ZNF362: variants seen among roughly 807,000 people sequenced by gnomAD.
ZNF362 encodes zinc finger protein 362.
Under a neutral mutation model 42.9 loss-of-function variants are expected in ZNF362, and 11 were observed. The observed-to-expected ratio is 0.26, with a 90% CI of 0.16 to 0.42. ZNF362 has a LOEUF of 0.42. ZNF362 is among the 20% of genes least tolerant of loss of function. The pLI, the probability that ZNF362 is intolerant of heterozygous loss-of-function variation, is 1.00. For missense variants in ZNF362, 362 were observed against 576.2 expected (o/e 0.63, Z 3.81); for synonymous variants, 255 against 257.3 (o/e 0.99, Z 0.09).
intron 1 of ZNF362, among the ~76,000 whole-genome samples, chr1:33,259,362 G>T (rs1439523617): frequency 6.6e-6 from 1 of 152,184 alleles, no homozygotes; most frequent in South Asian, 2.1e-4. Flanking sequence ...CAGTCTTGGG[G>T]GGTGGAGGCA....
chr1:33,276,178 G>GC lies in ZNF362; in HGVS notation c.102+19dup. The GC allele has an allele frequency of 6.2e-7, 1 of 1,612,604 alleles. No homozygotes were observed. Among genetic ancestry groups the GC allele is most frequent in the South Asian group, 1.1e-5 (1 of 91,054 alleles). On this transcript the variant is annotated intron_variant, in intron 3 of 8. Transcript: ENST00000539719. ...TGCCCAGCCAGGTAAGACTGACGTC[G>GC]CCCCTCCGGCTGCCCTACCCTCCTT...
chr1:33,281,491 C>G lies in ZNF362; in HGVS notation c.684-96C>G. ...TTCTTGGGCTCATCACAGGAAAGAC[C>G]TGTCCCAGGTGCAAGGTCTCTCTGA... On this transcript the variant is annotated intron_variant, in intron 5 of 8. Transcript: ENST00000539719. The surrounding 1 kb of genome is among the most constrained non-coding windows in gnomAD (Gnocchi z 4.8). 7 of 1,214,350 alleles carry G rather than the reference C, an allele frequency of 5.8e-6. No homozygotes were observed. The highest frequency in any genetic ancestry group is 8.3e-6 in the Non-Finnish European group (7 of 840,948). The allele number at this position is 1,214,350 out of a possible 1,614,324, so 75.2% of individuals were successfully genotyped here.
At chr1:33,205,868 G>T in the ZNF362 span, among the ~76,000 whole-genome samples, 1 of 151,932 alleles carries the variant, frequency 6.6e-6, no homozygotes, top group Non-Finnish European at 1.5e-5. Flanking sequence ...GTGAGCCAAG[G>T]TCGCACCACT....
the ZNF362 span, among the ~76,000 whole-genome samples, chr1:33,172,333 G>A: frequency 3.2e-3 from 483 of 152,280 alleles, 19 homozygotes; most frequent in East Asian, 0.083. Flanking sequence ...GATGGGCCAG[G>A]GCATTGCAGG....
At chr1:33,217,697 G>A in the ZNF362 span, among the ~76,000 whole-genome samples, 5 of 152,180 alleles carry the variant, frequency 3.3e-5, no homozygotes, top group Non-Finnish European at 7.4e-5. Flanking sequence ...ACAGGAGAAA[G>A]TAAAATTTAA....
chr1:33,288,378 G>A (rs372917016), intron 6 of ZNF362, among the ~76,000 whole-genome samples: 20 of 152,270 alleles, frequency 1.3e-4, no homozygotes, highest in African/African-American at 4.8e-4. Flanking sequence ...TGGGACAGTG[G>A]GGGGTGAAGT....
At chr1:33,288,518 T>G (rs1646048053) in intron 6 of ZNF362, among the ~76,000 whole-genome samples, 1 of 151,832 alleles carries the variant, frequency 6.6e-6, no homozygotes, top group Admixed American at 6.6e-5. Flanking sequence ...GTGAGTGGAT[T>G]ACTTGAGGTC....
At chr1:33,258,859 C>G (rs1448493763) in intron 1 of ZNF362, among the ~76,000 whole-genome samples, 1 of 152,142 alleles carries the variant, frequency 6.6e-6, no homozygotes, top group African/African-American at 2.4e-5. Context: ...GATTATGAAC[C>G]TCATTATAAG....
At chr1:33,137,703 G>T in the ZNF362 span, among the ~76,000 whole-genome samples, 3 of 152,238 alleles carry the variant, frequency 2.0e-5, no homozygotes, top group East Asian at 5.8e-4. Context: ...TATTTGCTTT[G>T]GGAACCAGAA....
the ZNF362 span, among the ~76,000 whole-genome samples, chr1:33,250,009 A>G: frequency 6.6e-6 from 1 of 152,222 alleles, no homozygotes; most frequent in Non-Finnish European, 1.5e-5. Context: ...AGCCTCTTTG[A>G]GGGAAACAAA....
At chr1:33,233,864 C>T in the ZNF362 span, among the ~76,000 whole-genome samples, 2 of 152,152 alleles carry the variant, frequency 1.3e-5, no homozygotes, top group Admixed American at 6.6e-5. Flanking sequence ...AAATATGGAA[C>T]TGGGATGCCT....
upstream of ZNF362, among the ~76,000 whole-genome samples, chr1:33,253,659 C>T (rs375528782): frequency 1.4e-4 from 22 of 152,070 alleles, no homozygotes; most frequent in African/African-American, 4.6e-4. Context: ...GATCCTGTCT[C>T]CCATCTGCCT....
At chr1:33,272,782 G>A (rs146225005) in intron 2 of ZNF362, among the ~76,000 whole-genome samples, 34 of 152,254 alleles carry the variant, frequency 2.2e-4, no homozygotes, top group African/African-American at 8.2e-4. Context: ...CAACATCTTA[G>A]CATGGCATTC....
At chr1:33,242,311 A>T in the ZNF362 span, among the ~76,000 whole-genome samples, 6 of 152,264 alleles carry the variant, frequency 3.9e-5, no homozygotes, top group South Asian at 1.2e-3. Flanking sequence ...AGGTAAAGGG[A>T]CAGTACAGTG....
chr1:33,276,619 G>A (rs1276384501), intron 4 of ZNF362, 25 bp downstream of exon 4: 19 of 1,313,226 alleles, frequency 1.4e-5, no homozygotes, highest in Admixed American at 4.2e-5. Context: ...CGGGGCCGGC[G>A]GGGCCGGTGA....
the ZNF362 span, among the ~76,000 whole-genome samples, chr1:33,154,722 C>G: frequency 2.6e-5 from 4 of 151,446 alleles, no homozygotes; most frequent in Admixed American, 2.6e-4. Context: ...CGCCTGAACC[C>G]AGGAGGCAGA....
At chr1:33,237,916 A>C in the ZNF362 span, among the ~76,000 whole-genome samples, 2 of 152,218 alleles carry the variant, frequency 1.3e-5, no homozygotes, top group Non-Finnish European at 2.9e-5. Context: ...CACTTCATAG[A>C]GCTTTTACCT....
At chr1:33,282,686 G>A (rs1156506380) in intron 6 of ZNF362, among the ~76,000 whole-genome samples, 2 of 152,132 alleles carry the variant, frequency 1.3e-5, no homozygotes, top group East Asian at 3.9e-4. Context: ...GCTGGGTGTG[G>A]TGGTGGGCGT....
chr1:33,250,946 C>T, the ZNF362 span, among the ~76,000 whole-genome samples: 5 of 151,796 alleles, frequency 3.3e-5, no homozygotes, highest in Admixed American at 6.6e-5. Flanking sequence ...TAGTTCTGAT[C>T]GGAGGTACAC....
Sources: allele counts gnomAD v4.1 joint callset (sites outside exome capture counted in the v4.1 genomes callset), GRCh38; gene constraint gnomAD v4.1.1; non-coding constraint Gnocchi (gnomAD v3.1); transcripts MANE v1.5; gene names NCBI Gene and HGNC (gene_info 2026-07-23, HGNC 2026-07-21).